Variants in ANKRD18B observed in about 807,000 individuals in gnomAD.
ANKRD18B encodes ankyrin repeat domain-containing protein 18B.
A neutral mutation model predicts 111.8 loss-of-function variants in ANKRD18B; 75 were observed. The ratio of observed to expected loss-of-function variants is 0.67; its 90% CI spans 0.56 to 0.81. The LOEUF is 0.81. ANKRD18B is among the 40% of genes least tolerant of loss of function. The pLI, the probability that ANKRD18B is intolerant of heterozygous loss-of-function variation, is 0.00. For missense variants in ANKRD18B, 1,038 were observed against 1,225.5 expected (o/e 0.85, Z 2.28); for synonymous variants, 356 against 417.3 (o/e 0.85, Z 1.79).
At chr9:33,551,756 G>T (rs182375350) in intron 12 of ANKRD18B, among the ~76,000 whole-genome samples, 113 of 152,198 alleles carry the variant, frequency 7.4e-4, no homozygotes, top group Non-Finnish European at 1.0e-3. Context: ...TTATTTCCCT[G>T]CCATTGGACT....
At position 33,558,125 on chromosome 9, in the gene ANKRD18B, C is replaced by T. The variant is rs774011566; in HGVS notation, c.2398C>T (p.His800Tyr). Reference sequence around the variant, plus strand: ...ATTTGCAAATGAAGACTTCAGTTGCCATGGAGACTTAAATACAGACCAACT... The same window carrying T: ...ATTTGCAAATGAAGACTTCAGTTGCTATGGAGACTTAAATACAGACCAACT... Reference protein sequence around the residue: ...NAFANEDFSCHGDLNTDQLKM... With the variant: ...NAFANEDFSCYGDLNTDQLKM... Residue 800 changes from histidine to tyrosine, a missense_variant, in exon 14 of 19, where the codon CAT becomes TAT. This residue lies in a region of ANKRD18B where 524 missense variants were observed against 677.9 expected (regional missense o/e 0.77). Coordinates refer to ENST00000684830, the MANE Select transcript of ANKRD18B (RefSeq NM_001393611.1). The T allele has an allele frequency of 8.1e-6, 13 of 1,611,824 alleles. No individual in the cohort carries two copies. The South Asian group carries it at 1.3e-4, about 16-fold the overall frequency.
chr9:33,562,192 T>C (rs1276200256), intron 14 of ANKRD18B, among the ~76,000 whole-genome samples: 5 of 152,016 alleles, frequency 3.3e-5, no homozygotes. Context: ...AATAGTCTAC[T>C]ATTTAGTGCC....
At chr9:33,558,956 CA>C (rs1185327697) in intron 14 of ANKRD18B, among the ~76,000 whole-genome samples, 3 of 152,116 alleles carry the variant, frequency 2.0e-5, no homozygotes, top group Non-Finnish European at 4.4e-5. Flanking sequence ...GGAAGGCATA[CA>C]TTGGCTCAGC....
At position 33,543,001 on chromosome 9, in the gene ANKRD18B, T is replaced by A. The variant is rs560765866; in HGVS notation, c.1079-184T>A. The stretch of plus-strand genomic sequence containing the variant: ...TGCTGATATCTAGTGTCTCCCCAAG[T>A]GGTTTGTTAAAGTTTTAGATAATTA... On this transcript the variant is annotated intron_variant, in intron 9 of 18. Coordinates refer to ENST00000684830, the MANE Select transcript of ANKRD18B (RefSeq NM_001393611.1). 4.6e-5 allele frequency among the ~76,000 whole-genome samples: 7 copies of A among 152,270 alleles called. No individual in the cohort carries two copies. In the South Asian group the frequency reaches 1.5e-3, roughly 32 times the overall value.
chr9:33,526,758 T>C (rs149385123), intron 1 of ANKRD18B, among the ~76,000 whole-genome samples: 3,046 of 152,298 alleles, frequency 0.02, 91 homozygotes, highest in African/African-American at 0.068. Context: ...CTTTATTATG[T>C]ATATATGTTT....
rs199565385 is a variant in ANKRD18B at position 33,539,493 on chromosome 9, A to C, written c.853A>C (p.Ser285Arg). 2 of 159,520 alleles carry C rather than the reference A, an allele frequency of 1.3e-5. No homozygotes were observed. Among genetic ancestry groups the C allele is most frequent in the East Asian group, 3.8e-4 (2 of 5,204 alleles). The allele number at this position is 159,520 out of a possible 1,614,324, so 9.9% of individuals were successfully genotyped here. ...KNESFKTQGA[S>R]SKVSLYHQSG... The stretch of plus-strand genomic sequence containing the variant: ...TGAAAGTTTTAAAACACAAGGAGCA[A>C]GTTCAAAAGGTAGGACACCTGAGTG... The change falls in exon 7 of 19, where the codon AGT becomes CGT. Residue 285 changes from serine to arginine, a missense_variant. Physicochemically the swap from Ser to Arg is moderately radical, Grantham distance 110. Transcript: ENST00000684830.
intron 15 of ANKRD18B, 109 bp downstream of exon 15, chr9:33,566,609 C>T: frequency 7.5e-7 from 1 of 1,338,608 alleles, no homozygotes; most frequent in Non-Finnish European, 1.0e-6. Flanking sequence ...TCTCTTACGG[C>T]AATTTCCTTT....
rs1554649156 is a variant in ANKRD18B, at chr9:33,572,314, A to C, written c.3224-2A>C. ...AACATAATCCTTTCTTTTTCTTTCC[A>C]GCTTTTGCTGCGTTGGGCCCTTGCT... On this transcript the variant is annotated splice_acceptor_variant, in intron 18 of 18. Coordinates refer to ENST00000684830, the MANE Select transcript of ANKRD18B (RefSeq NM_001393611.1). LOFTEE classifies it high-confidence loss of function. 6.2e-7 allele frequency: 1 copy of C among 1,608,254 alleles called. No individual in the cohort carries two copies. Among genetic ancestry groups the C allele is most frequent in the Non-Finnish European group, 8.5e-7 (1 of 1,176,224 alleles).
intron 10 of ANKRD18B, among the ~76,000 whole-genome samples, chr9:33,543,537 T>G (rs2118038597): frequency 6.8e-6 from 1 of 147,114 alleles, no homozygotes. Flanking sequence ...ATAAAGAAGG[T>G]AACATCAAAA....
chr9:33,573,455 CTT>C (rs138942817), downstream of ANKRD18B, among the ~76,000 whole-genome samples: 12,181 of 144,662 alleles, frequency 0.084, 1,714 homozygotes, highest in African/African-American at 0.18. Context: ...CACAGGGTGT[CTT>C]GTCTGCCAAA....
intron 10 of ANKRD18B, among the ~76,000 whole-genome samples, chr9:33,546,670 T>C (rs1828360649): frequency 6.6e-6 from 1 of 152,174 alleles, no homozygotes; most frequent in African/African-American, 2.4e-5. Flanking sequence ...GAATTGGATG[T>C]ATTTATCTGG....
At chr9:33,533,573 T>C in intron 4 of ANKRD18B, 28 bp downstream of exon 4, 1 of 1,525,284 alleles carries the variant, frequency 6.6e-7, no homozygotes, top group Non-Finnish European at 8.8e-7. Context: ...TTCTGTTTTC[T>C]TTTTTCCTAA....
intron 3 of ANKRD18B, among the ~76,000 whole-genome samples, 154 bp downstream of exon 3, chr9:33,529,327 T>C (rs1828077750): frequency 6.6e-6 from 1 of 152,326 alleles, no homozygotes; most frequent in African/African-American, 2.4e-5. Context: ...TTGATACTTT[T>C]AAAGGAGCAT....
intron 9 of ANKRD18B, among the ~76,000 whole-genome samples, chr9:33,542,377 C>T (rs867873179): frequency 7.3e-6 from 1 of 137,326 alleles, no homozygotes; most frequent in African/African-American, 2.7e-5. Context: ...GCCTTTTTTC[C>T]TTTTTTTTTT....
intron 13 of ANKRD18B, among the ~76,000 whole-genome samples, chr9:33,557,536 C>A (rs1828544659): frequency 6.6e-6 from 1 of 152,092 alleles, no homozygotes. Context: ...TGCCTGTAAT[C>A]CCAGCAATTT....
chr9:33,553,466 A>C (rs137890384), intron 12 of ANKRD18B, among the ~76,000 whole-genome samples: 270 of 152,278 alleles, frequency 1.8e-3, no homozygotes, highest in Non-Finnish European at 2.6e-3. Context: ...TAAAACATAT[A>C]ATAAGGGGCA....
At chr9:33,529,625 G>A (rs1459963077) in intron 3 of ANKRD18B, among the ~76,000 whole-genome samples, 1 of 152,212 alleles carries the variant, frequency 6.6e-6, no homozygotes. Context: ...GAAAAGGAGA[G>A]CAATCAAAAA....
At position 33,541,227 on chromosome 9, in the gene ANKRD18B, G is replaced by GGTAA; in HGVS notation, c.1078+2_1078+5dup. Reference sequence around the variant, plus strand: ...GAAAAAAAGAAAAGAAGGTGCAAAAGGTAAGACACTTGAGTATCTCTACTC... The same window carrying GGTAA: ...GAAAAAAAGAAAAGAAGGTGCAAAAGGTAAGTAAGACACTTGAGTATCTCTACTC... On this transcript the variant is annotated frameshift_variant and splice_region_variant. Coordinates refer to ENST00000684830, the MANE Select transcript of ANKRD18B (RefSeq NM_001393611.1). LOFTEE classifies it high-confidence loss of function. 6.5e-7 allele frequency: 1 copy of GGTAA among 1,544,100 alleles called. No individual in the cohort carries two copies. Among genetic ancestry groups the GGTAA allele is most frequent in the South Asian group, 1.2e-5 (1 of 81,282 alleles).
chr9:33,535,433 C>A (rs1828182337), intron 5 of ANKRD18B, among the ~76,000 whole-genome samples: 1 of 151,826 alleles, frequency 6.6e-6, no homozygotes, highest in Non-Finnish European at 1.5e-5. Context: ...CTACAGGCAC[C>A]CGCCACCATC....
Sources: allele counts gnomAD v4.1 joint callset (sites outside exome capture counted in the v4.1 genomes callset), GRCh38; gene constraint gnomAD v4.1.1; regional missense constraint gnomAD v4.1.1; transcripts MANE v1.5; gene names NCBI Gene and HGNC (gene_info 2026-07-23, HGNC 2026-07-21).